Variants in ATP6V0D2 observed in about 807,000 individuals in gnomAD.
The protein encoded by ATP6V0D2 is ATPase H+ transporting V0 subunit d2.
A neutral mutation model predicts 40.0 loss-of-function variants in ATP6V0D2; 40 were observed. The ratio of observed to expected loss-of-function variants is 1.00; its 90% CI spans 0.78 to 1.30. The LOEUF is 1.30. Among genes scored for constraint, ATP6V0D2 ranks in the 50% most tolerant of loss-of-function variants. The pLI is 0.00. For missense variants in ATP6V0D2, 470 were observed against 423.1 expected (o/e 1.11, Z -0.97); for synonymous variants, 179 against 156.3 (o/e 1.15, Z -1.08).
At chr8:86,109,246 C>T (rs1818505448) in intron 1 of ATP6V0D2, among the ~76,000 whole-genome samples, 1 of 151,990 alleles carries the variant, frequency 6.6e-6, no homozygotes, top group Non-Finnish European at 1.5e-5. Context: ...TTTATTTTAC[C>T]ATAAAGTCTT....
At chr8:86,124,304 A>G (rs555462750) in intron 2 of ATP6V0D2, among the ~76,000 whole-genome samples, 9 of 152,324 alleles carry the variant, frequency 5.9e-5, no homozygotes, top group African/African-American at 2.2e-4. Flanking sequence ...TCTCCCTGTA[A>G]CTGAATGATA....
intron 3 of ATP6V0D2, among the ~76,000 whole-genome samples, chr8:86,140,629 A>T (rs1407276208): frequency 1.3e-4 from 20 of 150,430 alleles, no homozygotes; most frequent in Admixed American, 1.3e-3. Flanking sequence ...GAGGGACTTC[A>T]AAAAAAAGCC....
At chr8:86,133,316 CTTTTTTTTTT>C (rs1242479597) in intron 2 of ATP6V0D2, among the ~76,000 whole-genome samples, 4 of 77,300 alleles carry the variant, frequency 5.2e-5, no homozygotes, top group African/African-American at 1.1e-4. Flanking sequence ...AACAGAAAGT[CTTTTTTTTTT>C]TTTTTTTTTT....
chr8:86,117,226 G>T (rs958053757), intron 2 of ATP6V0D2, among the ~76,000 whole-genome samples: 6 of 151,992 alleles, frequency 3.9e-5, no homozygotes, highest in Non-Finnish European at 7.4e-5. Flanking sequence ...TTCATTCATT[G>T]CCTTCTGGGT....
At chr8:86,140,187 C>G (rs1436197939) in intron 3 of ATP6V0D2, among the ~76,000 whole-genome samples, 1 of 152,074 alleles carries the variant, frequency 6.6e-6, no homozygotes, top group Non-Finnish European at 1.5e-5. Context: ...TAATTTGGCA[C>G]TAACAAGAGT....
rs2466326 is a variant in ATP6V0D2 at position 86,139,377 on chromosome 8, G to C, written c.303-80G>C. The C allele has an allele frequency of 0.86, 1,040,661 of 1,216,960 alleles. 446,043 individuals are homozygous for C. Among genetic ancestry groups the C allele is most frequent in the Middle Eastern group, 0.88 (4,019 of 4,542 alleles). 75.4% of individuals were successfully genotyped at this position (1,216,960 alleles called of 1,614,324 possible). ...CTGAATGAAACAGTGTGTACCTAAA[G>C]AGTGTGTGTTTTTTACTTGTGGGAT... is the stretch of plus-strand genomic sequence containing the variant. On this transcript the variant is annotated intron_variant, in intron 2 of 7. Coordinates refer to ENST00000285393, the MANE Select transcript of ATP6V0D2 (RefSeq NM_152565.1).
At chr8:86,124,067 C>A (rs1198812886) in intron 2 of ATP6V0D2, among the ~76,000 whole-genome samples, 1 of 152,074 alleles carries the variant, frequency 6.6e-6, no homozygotes, top group Non-Finnish European at 1.5e-5. Context: ...CACCACCATG[C>A]CCTTGTGATC....
intron 2 of ATP6V0D2, among the ~76,000 whole-genome samples, chr8:86,137,855 C>A (rs1818918556): frequency 6.6e-6 from 1 of 152,178 alleles, no homozygotes; most frequent in Admixed American, 6.5e-5. Flanking sequence ...CTCTGGGCCT[C>A]TGGTTTCTCG....
At chr8:86,133,900 A>G (rs1330009185) in intron 2 of ATP6V0D2, among the ~76,000 whole-genome samples, 2 of 152,146 alleles carry the variant, frequency 1.3e-5, no homozygotes, top group East Asian at 3.9e-4. Context: ...TTGAAAAAGT[A>G]TTCAAAGAAA....
intron 2 of ATP6V0D2, among the ~76,000 whole-genome samples, chr8:86,117,246 T>C (rs879391183): frequency 3.3e-5 from 5 of 152,356 alleles, no homozygotes; most frequent in Admixed American, 1.3e-4. Context: ...TATTTTATTG[T>C]ACCCTGTTTA....
intron 5 of ATP6V0D2, among the ~76,000 whole-genome samples, chr8:86,146,865 A>C (rs1819076469): frequency 6.6e-6 from 1 of 152,140 alleles, no homozygotes; most frequent in Non-Finnish European, 1.5e-5. Flanking sequence ...ACTATAAAGC[A>C]CTTACTGTTT....
intron 5 of ATP6V0D2, among the ~76,000 whole-genome samples, chr8:86,144,544 G>A (rs1819020460): frequency 6.6e-6 from 1 of 152,066 alleles, no homozygotes; most frequent in Non-Finnish European, 1.5e-5. Context: ...GATAAAACTA[G>A]CTCCCCTCAA....
intron 2 of ATP6V0D2, among the ~76,000 whole-genome samples, chr8:86,126,489 T>G (rs1818747643): frequency 6.6e-6 from 1 of 151,802 alleles, no homozygotes; most frequent in Non-Finnish European, 1.5e-5. Context: ...TAAAACGACT[T>G]ACTCAAAAGC....
At chr8:86,151,368 T>A (rs932235039) in intron 6 of ATP6V0D2, 98 bp from the exon 7 acceptor site, 9 of 874,212 alleles carry the variant, frequency 1.0e-5, no homozygotes, top group Admixed American at 3.4e-5. Context: ...TATTTTTTTT[T>A]AAATAGGTAC....
intron 1 of ATP6V0D2, among the ~76,000 whole-genome samples, chr8:86,104,043 G>A (rs1228390072): frequency 6.6e-6 from 1 of 151,910 alleles, no homozygotes; most frequent in African/African-American, 2.4e-5. Flanking sequence ...GCCATGACAG[G>A]TCTCAAACTC....
chr8:86,140,858 G>A (rs74449600), intron 3 of ATP6V0D2, among the ~76,000 whole-genome samples: 20,606 of 152,064 alleles, frequency 0.14, 1,784 homozygotes, highest in East Asian at 0.32. Flanking sequence ...TTATTACACT[G>A]TAATATATAA....
chr8:86,111,924 G>C (rs991121964), intron 1 of ATP6V0D2, among the ~76,000 whole-genome samples: 8 of 152,140 alleles, frequency 5.3e-5, no homozygotes, highest in Admixed American at 5.2e-4. Flanking sequence ...ATTTGTGACT[G>C]CCTCTTTCTT....
chr8:86,131,493 C>G (rs1343948751), intron 2 of ATP6V0D2, among the ~76,000 whole-genome samples: 1 of 151,576 alleles, frequency 6.6e-6, no homozygotes, highest in South Asian at 2.1e-4. Context: ...GCCACTACAT[C>G]CAGCCATTTT....
chr8:86,149,227 A>G (rs1819111929), intron 5 of ATP6V0D2, among the ~76,000 whole-genome samples: 1 of 152,002 alleles, frequency 6.6e-6, no homozygotes, highest in African/African-American at 2.4e-5. Flanking sequence ...GCAAGCCCCC[A>G]CAATAGGCAG....
Sources: allele counts gnomAD v4.1 joint callset (sites outside exome capture counted in the v4.1 genomes callset), GRCh38; gene constraint gnomAD v4.1.1; transcripts MANE v1.5; gene names NCBI Gene and HGNC (gene_info 2026-07-23, HGNC 2026-07-21).